The following RANBP2 variants were observed in gnomAD, a reference collection of about 807,000 sequenced individuals.
RANBP2 encodes the protein E3 SUMO-protein ligase RanBP2.
A neutral mutation model predicts 303.6 loss-of-function variants in RANBP2; 57 were observed. The ratio of observed to expected loss-of-function variants is 0.19; its 90% CI spans 0.15 to 0.23. The LOEUF (loss-of-function observed/expected upper bound fraction) is 0.23. RANBP2 is among the 10% of genes least tolerant of loss of function. The probability of loss-of-function intolerance (pLI) is 1.00; values close to 1 mark genes in which losing one functional copy is unlikely to be tolerated. For synonymous variants in RANBP2, 1,167 were observed against 1,301.5 expected (o/e 0.90, Z 2.23); for missense variants, 3,138 against 3,780.8 (o/e 0.83, Z 4.46).
At chr2:109,472,061 G>C in the RANBP2 span, among the ~76,000 whole-genome samples, 2 of 152,212 alleles carry the variant, frequency 1.3e-5, no homozygotes, top group Non-Finnish European at 2.9e-5. Flanking sequence ...TGACATCTCA[G>C]CTTCTTTCAA....
chr2:109,467,988 C>T, the RANBP2 span, among the ~76,000 whole-genome samples: 1 of 152,250 alleles, frequency 6.6e-6, no homozygotes, highest in Non-Finnish European at 1.5e-5. Flanking sequence ...CCCTGGAGGA[C>T]CTCCTCAGAG....
the RANBP2 span, chr2:109,605,778 A>G: frequency 3.9e-5 from 6 of 152,322 alleles, no homozygotes; most frequent in East Asian, 9.7e-4. Context: ...ATTCTTTTCT[A>G]TACAACAGAA....
At chr2:108,930,297 C>A in the RANBP2 span, 1 of 1,612,584 alleles carries the variant, frequency 6.2e-7, no homozygotes, top group Non-Finnish European at 8.5e-7. Context: ...ACACATGTGA[C>A]TCCTGCAAGA....
the RANBP2 span, among the ~76,000 whole-genome samples, chr2:109,229,299 C>T: frequency 1.2e-3 from 179 of 152,318 alleles, 6 homozygotes; most frequent in South Asian, 0.035. Context: ...TACCCACACC[C>T]CACTTCCTCT....
chr2:109,231,712 A>G, the RANBP2 span, among the ~76,000 whole-genome samples: 2 of 152,188 alleles, frequency 1.3e-5, no homozygotes, highest in Non-Finnish European at 2.9e-5. Flanking sequence ...TTCCAAATTA[A>G]ATCTTACCGT....
chr2:109,363,274 T>C, the RANBP2 span, among the ~76,000 whole-genome samples: 1 of 152,286 alleles, frequency 6.6e-6, no homozygotes, highest in East Asian at 1.9e-4. Flanking sequence ...TCTGCAATAT[T>C]CATTTACAAT....
chr2:108,794,710 C>G, the RANBP2 span: 3 of 1,610,998 alleles, frequency 1.9e-6, no homozygotes, highest in Non-Finnish European at 2.5e-6. Flanking sequence ...TCAGATACAT[C>G]TGAAATTGCA....
At chr2:108,931,064 G>A in the RANBP2 span, 1 of 1,592,814 alleles carries the variant, frequency 6.3e-7, no homozygotes. Context: ...CTGGGCACTG[G>A]CGGTAGCACC....
chr2:109,582,019 A>G, the RANBP2 span, among the ~76,000 whole-genome samples: 12 of 152,090 alleles, frequency 7.9e-5, no homozygotes, highest in Non-Finnish European at 1.3e-4. Flanking sequence ...GCATTTCTGT[A>G]TATCAATAAT....
the RANBP2 span, among the ~76,000 whole-genome samples, chr2:108,961,066 T>C: frequency 6.6e-6 from 1 of 152,162 alleles, no homozygotes; most frequent in Non-Finnish European, 1.5e-5. Context: ...AAATGAGTGG[T>C]GGGTGAGCAC....
the RANBP2 span, among the ~76,000 whole-genome samples, chr2:109,061,580 TG>T: frequency 6.6e-6 from 1 of 152,186 alleles, no homozygotes; most frequent in African/African-American, 2.4e-5. Flanking sequence ...CCATTCATCA[TG>T]CACACTCACT....
the RANBP2 span, among the ~76,000 whole-genome samples, chr2:109,157,180 G>T: frequency 3.9e-5 from 6 of 152,110 alleles, no homozygotes; most frequent in Admixed American, 3.9e-4. Context: ...TATCAGAGGG[G>T]ATCATAGTAT....
At chr2:108,824,220 T>G in the RANBP2 span, among the ~76,000 whole-genome samples, 4 of 152,230 alleles carry the variant, frequency 2.6e-5, no homozygotes, top group Non-Finnish European at 4.4e-5. Flanking sequence ...TCTTTTTACT[T>G]TATAAACTTT....
At chr2:109,172,086 G>A in the RANBP2 span, among the ~76,000 whole-genome samples, 1 of 152,242 alleles carries the variant, frequency 6.6e-6, no homozygotes, top group Non-Finnish European at 1.5e-5. Context: ...AACTTGATAT[G>A]CACGTCATTT....
chr2:109,059,380 C>T, the RANBP2 span, among the ~76,000 whole-genome samples: 4,646 of 152,204 alleles, frequency 0.031, 226 homozygotes, highest in African/African-American at 0.1. Context: ...CCAAGACCAT[C>T]CTGGCTAACA....
the RANBP2 span, among the ~76,000 whole-genome samples, chr2:109,254,124 C>T: frequency 1.3e-5 from 2 of 152,258 alleles, no homozygotes; most frequent in East Asian, 3.9e-4. Context: ...ATGACTGCCT[C>T]ACCAACCCCT....
At chr2:109,142,127 G>A in the RANBP2 span, among the ~76,000 whole-genome samples, 4 of 151,592 alleles carry the variant, frequency 2.6e-5, no homozygotes, top group African/African-American at 7.3e-5. Context: ...GTCACCTACC[G>A]GGTGGGGTCC....
At chr2:109,213,796 G>GGGTGT in the RANBP2 span, among the ~76,000 whole-genome samples, 6 of 152,216 alleles carry the variant, frequency 3.9e-5, no homozygotes, top group South Asian at 2.1e-4. Context: ...TGGTGTGATA[G>GGGTGT]GGTGTGGTGT....
the RANBP2 span, among the ~76,000 whole-genome samples, chr2:109,424,796 C>T: frequency 6.6e-6 from 1 of 152,146 alleles, no homozygotes; most frequent in South Asian, 2.1e-4. Context: ...CCTACCTTTT[C>T]CCTTAGACAC....
Sources: allele counts gnomAD v4.1 joint callset (sites outside exome capture counted in the v4.1 genomes callset), GRCh38; gene constraint gnomAD v4.1.1; transcripts MANE v1.5; gene names NCBI Gene and HGNC (gene_info 2026-07-23, HGNC 2026-07-21).